Variants in MEGF6 observed in about 807,000 individuals in gnomAD.
MEGF6 encodes the protein multiple EGF like domains 6.
Under a neutral mutation model 207.1 loss-of-function variants are expected in MEGF6, and 184 were observed. The observed-to-expected ratio is 0.89, with a 90% CI of 0.79 to 1.00. MEGF6 has a LOEUF of 1.00. MEGF6 is among the 50% of genes least tolerant of loss of function. The pLI, the probability that MEGF6 is intolerant of heterozygous loss-of-function variation, is 0.00. For synonymous variants in MEGF6, 1,038 were observed against 910.0 expected, an observed-to-expected ratio of 1.14 and a Z score of -2.53; for missense variants, 2,282 against 2,202.9, an observed-to-expected ratio of 1.04 and a Z score of -0.72.
intron 14 of MEGF6, among the ~76,000 whole-genome samples, chr1:3,507,389 C>A (rs1406682076): frequency 6.6e-6 from 1 of 152,168 alleles, no homozygotes; most frequent in Non-Finnish European, 1.5e-5. Context: ...CAACATCATC[C>A]CTTGCAGCCA....
chr1:3,615,408 G>C (rs557720860), upstream of MEGF6, among the ~76,000 whole-genome samples: 1 of 152,188 alleles, frequency 6.6e-6, no homozygotes, highest in Admixed American at 6.5e-5. Context: ...CTTTCCAAGT[G>C]GGGGCTTCCC....
intron 4 of MEGF6, chr1:3,547,143 T>G (rs1282824513): frequency 1.3e-5 from 2 of 152,796 alleles, no homozygotes; most frequent in Non-Finnish European, 2.9e-5. Flanking sequence ...GAGAAGCAGG[T>G]GAGGTGCCAG....
Position 3,532,804 on chromosome 1 carries a change from G to A in MEGF6, c.482-8558C>T, listed in dbSNP as rs571530940. On this transcript the variant is annotated intron_variant, in intron 4 of 36. Transcript: ENST00000356575. ...AGCATAGCCACGGGTAGAGCTGTGG[G>A]GAAGAAGGACTGCCAACCTCAGCTG... 2.0e-5 allele frequency among the ~76,000 whole-genome samples: 3 copies of A among 152,342 alleles called. No homozygotes were observed. In the South Asian group the frequency reaches 6.2e-4, roughly 32 times the overall value.
chr1:3,560,732 T>C lies in MEGF6; in HGVS notation c.481+19093A>G, dbSNP rs1246858192. The C allele has an allele frequency of 4.3e-6, 2 of 467,100 alleles. No individual in the cohort carries two copies. The allele number at this position is 467,100 out of a possible 1,614,324, so 28.9% of individuals were successfully genotyped here. A position where few individuals can be genotyped will look rare whatever the true frequency, so the allele number is the denominator to read the frequency against. ...CCCTGGAAACCAAGAGTGGGTCGCC[T>C]AGAAACGGTCAGACTGGCCCCACCC... On this transcript the variant is annotated intron_variant, in intron 4 of 36. Coordinates refer to ENST00000356575, the MANE Select transcript of MEGF6 (RefSeq NM_001409.4). The surrounding 1 kb of genome is among the most constrained non-coding windows in gnomAD (Gnocchi z 4.0).
intron 1 of MEGF6, among the ~76,000 whole-genome samples, chr1:3,610,507 C>A (rs1196823861): frequency 1.0e-4 from 2 of 19,192 alleles, no homozygotes; most frequent in Non-Finnish European, 3.6e-4. Context: ...TCCTCCACTG[C>A]CGCACGTTTT....
At chr1:3,620,148 T>C in the MEGF6 span, among the ~76,000 whole-genome samples, 2 of 152,196 alleles carry the variant, frequency 1.3e-5, no homozygotes, top group South Asian at 4.1e-4. Context: ...CGGCAAAGCA[T>C]TTGAGATGTG....
intron 14 of MEGF6, among the ~76,000 whole-genome samples, chr1:3,507,173 C>T (rs553814094): frequency 9.9e-5 from 15 of 152,192 alleles, no homozygotes; most frequent in African/African-American, 2.2e-4. Flanking sequence ...GGAAAGCTCA[C>T]GGGGCCACCT....
At chr1:3,622,870 ATTTG>A in the MEGF6 span, among the ~76,000 whole-genome samples, 1 of 152,184 alleles carries the variant, frequency 6.6e-6, no homozygotes. Flanking sequence ...ACTGAGTGAA[ATTTG>A]TTTATTGTCT....
At chr1:3,619,149 T>C in the MEGF6 span, among the ~76,000 whole-genome samples, 28 of 152,370 alleles carry the variant, frequency 1.8e-4, no homozygotes, top group East Asian at 4.8e-3. Flanking sequence ...AGCGTGAAGC[T>C]GCGCCCTCTA....
At position 3,488,527 on chromosome 1, in the gene MEGF6, G is replaced by A. The variant is rs191986178; in HGVS notation, c.*2001C>T. Among the ~76,000 whole-genome samples, 61 of 152,348 alleles carry A rather than the reference G, an allele frequency of 4.0e-4. No homozygotes were observed. The highest frequency in any genetic ancestry group is 6.0e-4 in the Non-Finnish European group (41 of 68,042). On this transcript the variant is annotated 3_prime_UTR_variant, in exon 37 of 37. Coordinates refer to ENST00000356575, the MANE Select transcript of MEGF6 (RefSeq NM_001409.4). ...CTTCTTTCTCTTCTGGCTGGAGAAC[G>A]TCTCTAAGAGCATTTTAAAATCAGG...
At chr1:3,514,116 C>T (rs566551870) in intron 7 of MEGF6, among the ~76,000 whole-genome samples, 3 of 152,120 alleles carry the variant, frequency 2.0e-5, no homozygotes, top group East Asian at 1.9e-4. Flanking sequence ...GGCCTGGCGG[C>T]GGGTGCCTGT....
chr1:3,528,532 G>A (rs1486890756), intron 4 of MEGF6, among the ~76,000 whole-genome samples: 1 of 152,220 alleles, frequency 6.6e-6, no homozygotes, highest in East Asian at 1.9e-4. Flanking sequence ...TACCTTTGCA[G>A]ATGGGACTGA....
At chr1:3,519,323 C>T (rs1205059264) in intron 5 of MEGF6, among the ~76,000 whole-genome samples, 2 of 152,240 alleles carry the variant, frequency 1.3e-5, no homozygotes, top group South Asian at 2.1e-4. Flanking sequence ...CCAGGGGCAC[C>T]GTGTGCTTTA....
chr1:3,511,755 C>T (rs1641354606), intron 8 of MEGF6, 68 bp from the exon 9 acceptor site: 1 of 1,560,282 alleles, frequency 6.4e-7, no homozygotes, highest in Admixed American at 1.7e-5. Context: ...CCTTAGTTAC[C>T]CCTACCTCCA....
At position 3,519,540 on chromosome 1, in the gene MEGF6, T is replaced by G. The variant is rs553049492; in HGVS notation, c.605-4013A>C. ...GGGGAGGCCCCGACCCAGGGCTGCG[T>G]GAGCATCACACGGGTTCAGCTTCTC... is the stretch of plus-strand genomic sequence containing the variant. On this transcript the variant is annotated intron_variant, in intron 5 of 36. Coordinates refer to ENST00000356575, the MANE Select transcript of MEGF6 (RefSeq NM_001409.4). Among the ~76,000 whole-genome samples, 74 of 152,334 alleles carry G rather than the reference T, an allele frequency of 4.9e-4. 1 individual carries two copies. In the South Asian group the frequency reaches 0.014, roughly 29 times the overall value.
In MEGF6 at chr1:3,490,541, G is replaced by T; in HGVS notation, c.4613C>A (p.Pro1538Gln). 1 of 1,613,226 alleles carries T rather than the reference G, an allele frequency of 6.2e-7. No homozygotes were observed. The highest frequency in any genetic ancestry group is 8.5e-7 in the Non-Finnish European group (1 of 1,179,852). ...GGACTGCCTCTACTAGTGCCTCGCT[G>T]GTCCACCGCTCCGGGATGTGGGTCT... ...SSRPTSRSGG[P>Q]ARH The change falls in exon 37 of 37, where the codon CCA becomes CAA. Residue 1538 changes from proline (P) to glutamine (Q), a missense_variant. Pro to Gln is a moderately conservative substitution (Grantham distance 76). Transcript: ENST00000356575.
Position 3,505,964 on chromosome 1 carries a change from C to T in MEGF6, c.1918+144G>A, listed in dbSNP as rs568170078. ...TGGCTTGGAGTCCACAGACTCATGG[C>T]GGACCCCAGACCTACATCCCAGTGG... On this transcript the variant is annotated intron_variant, in intron 15 of 36. Coordinates refer to ENST00000356575, the MANE Select transcript of MEGF6 (RefSeq NM_001409.4). 94 of 1,139,224 alleles carry T rather than the reference C, an allele frequency of 8.3e-5. No individual in the cohort carries two copies. The East Asian group carries it at 1.7e-3, about 21-fold the overall frequency. The allele number at this position is 1,139,224 out of a possible 1,614,324, so 70.6% of individuals were successfully genotyped here.
At chr1:3,493,477 C>G (rs1569922203) in intron 34 of MEGF6, 1 of 489,766 alleles carries the variant, frequency 2.0e-6, no homozygotes, top group East Asian at 3.6e-5. Flanking sequence ...GCTGGCAGAT[C>G]AGGGAAGTCT....
Position 3,513,684 on chromosome 1 carries a change from G to A in MEGF6, c.853+866C>T, listed in dbSNP as rs1057339090. On this transcript the variant is annotated intron_variant, in intron 7 of 36. Transcript: ENST00000356575. Reference sequence around the variant, plus strand: ...TAGCTCACTGCAGCCTTGACCTCCTGGGCTCAAGTGATCTTCCTGCCTCAG... The same window carrying A: ...TAGCTCACTGCAGCCTTGACCTCCTAGGCTCAAGTGATCTTCCTGCCTCAG... 3.4e-5 allele frequency among the ~76,000 whole-genome samples: 5 copies of A among 147,224 alleles called. No homozygotes were observed. In the East Asian group the frequency reaches 1.0e-3, roughly 30 times the overall value.
Sources: allele counts gnomAD v4.1 joint callset (sites outside exome capture counted in the v4.1 genomes callset), GRCh38; gene constraint gnomAD v4.1.1; non-coding constraint Gnocchi (gnomAD v3.1); transcripts MANE v1.5; gene names NCBI Gene and HGNC (gene_info 2026-07-23, HGNC 2026-07-21).